The following MIPOL1 variants were observed in gnomAD, a reference collection of about 807,000 sequenced individuals.
MIPOL1 encodes mirror-image polydactyly 1.
Under a neutral mutation model 60.9 loss-of-function variants are expected in MIPOL1, and 57 were observed. The ratio of observed to expected loss-of-function variants is 0.94; its 90% confidence interval spans 0.76 to 1.17. MIPOL1 has a LOEUF of 1.17. Among genes scored for constraint, MIPOL1 ranks in the 50% most tolerant of loss-of-function variants. The probability of loss-of-function intolerance (pLI) is 0.00; values close to 1 mark genes in which losing one functional copy is unlikely to be tolerated. For missense variants in MIPOL1, 551 were observed against 511.6 expected (o/e 1.08, Z -0.74); for synonymous variants, 179 against 168.8 (o/e 1.06, Z -0.47).
chr14:37,427,892 C>T (rs1340405011), intron 11 of MIPOL1, among the ~76,000 whole-genome samples: 1 of 152,036 alleles, frequency 6.6e-6, no homozygotes, highest in Non-Finnish European at 1.5e-5. Context: ...TGAAAAGGTT[C>T]CATTTTATGT....
chr14:37,418,335 A>T (rs1264714386), intron 10 of MIPOL1, among the ~76,000 whole-genome samples: 1 of 152,142 alleles, frequency 6.6e-6, no homozygotes, highest in African/African-American at 2.4e-5. Context: ...GAAACAATGT[A>T]GTTCATTTCT....
At chr14:37,350,468 G>A (rs755622040) in intron 9 of MIPOL1, among the ~76,000 whole-genome samples, 2 of 144,202 alleles carry the variant, frequency 1.4e-5, no homozygotes, top group East Asian at 4.1e-4. Context: ...TTTAATTTTT[G>A]TGGGTACATA....
At chr14:37,450,780 CAT>C (rs2153574464) in intron 11 of MIPOL1, among the ~76,000 whole-genome samples, 1 of 152,170 alleles carries the variant, frequency 6.6e-6, no homozygotes, top group South Asian at 2.1e-4. Context: ...ATTTCTGAAA[CAT>C]AGACTTAGAA....
intron 10 of MIPOL1, among the ~76,000 whole-genome samples, chr14:37,372,292 C>T (rs920397409): frequency 1.4e-4 from 21 of 151,996 alleles, no homozygotes; most frequent in Admixed American, 4.6e-4. Flanking sequence ...TCAGTTATCA[C>T]GTAAGGAAAT....
At chr14:37,363,944 C>A (rs1039160703) in intron 9 of MIPOL1, among the ~76,000 whole-genome samples, 2 of 152,184 alleles carry the variant, frequency 1.3e-5, no homozygotes, top group African/African-American at 4.8e-5. Flanking sequence ...CCGAGCCAGG[C>A]GTGGGAGAAA....
intron 3 of MIPOL1, among the ~76,000 whole-genome samples, chr14:37,254,957 A>C (rs1337013665): frequency 1.3e-5 from 2 of 151,760 alleles, no homozygotes; most frequent in East Asian, 3.9e-4. Flanking sequence ...AATTCTTTCA[A>C]ATTTATTTGT....
intron 10 of MIPOL1, among the ~76,000 whole-genome samples, chr14:37,376,097 C>T (rs917828189): frequency 6.6e-6 from 1 of 152,086 alleles, no homozygotes; most frequent in East Asian, 1.9e-4. Flanking sequence ...CATATATTCA[C>T]TGGTCCCACA....
rs180689899 is a variant in MIPOL1 at position 37,459,841 on chromosome 14, G to A, written c.1031+36892G>A. On this transcript the variant is annotated intron_variant, in intron 11 of 12. Coordinates refer to ENST00000684589, the MANE Select transcript of MIPOL1 (RefSeq NM_001388067.1). ...TATAATCCCAGCACTTTAGGAGGCC[G>A]GGGTGGGCAGATAAGTTGAGGTCAG... Among the ~76,000 whole-genome samples the A allele has an allele frequency of 4.3e-3, 655 of 152,196 alleles. 3 individuals are homozygous for A. The highest frequency in any genetic ancestry group is 6.6e-3 in the Non-Finnish European group (452 of 68,010).
intron 11 of MIPOL1, among the ~76,000 whole-genome samples, chr14:37,493,167 G>A (rs2095069525): frequency 6.6e-6 from 1 of 152,074 alleles, no homozygotes; most frequent in East Asian, 1.9e-4. Flanking sequence ...AGACAAGAGA[G>A]GAAGTCAGGA....
At chr14:37,358,142 A>G (rs968781204) in intron 9 of MIPOL1, among the ~76,000 whole-genome samples, 2 of 152,144 alleles carry the variant, frequency 1.3e-5, no homozygotes, top group African/African-American at 4.8e-5. Context: ...TTCCAGCTTC[A>G]TCCATGTCTC....
intron 7 of MIPOL1, among the ~76,000 whole-genome samples, chr14:37,302,463 TGTTGTTTAAAAGA>T (rs2086382854): frequency 6.6e-6 from 1 of 151,674 alleles, no homozygotes; most frequent in Admixed American, 6.6e-5. Flanking sequence ...ATTTTTTCCT[TGTTGTTTAAAAGA>T]GTTGTTTATA....
intron 3 of MIPOL1, among the ~76,000 whole-genome samples, chr14:37,254,860 T>A (rs138076255): frequency 3.9e-4 from 60 of 151,912 alleles, no homozygotes; most frequent in African/African-American, 1.2e-3. Context: ...CTCCCCCGTT[T>A]CTATTCTGTT....
chr14:37,356,493 C>A (rs1319292544), intron 9 of MIPOL1, among the ~76,000 whole-genome samples: 1 of 152,136 alleles, frequency 6.6e-6, no homozygotes, highest in African/African-American at 2.4e-5. Flanking sequence ...ATGGCGGGCG[C>A]CCCTCCCCCA....
intron 11 of MIPOL1, among the ~76,000 whole-genome samples, chr14:37,444,294 G>A (rs984432569): frequency 2.6e-5 from 4 of 152,032 alleles, no homozygotes; most frequent in African/African-American, 9.7e-5. Context: ...CTTTTTAAAG[G>A]TTGCATACAA....
chr14:37,466,027 A>G (rs1224119270), intron 11 of MIPOL1, among the ~76,000 whole-genome samples: 1 of 152,206 alleles, frequency 6.6e-6, no homozygotes, highest in East Asian at 1.9e-4. Context: ...TAATTTAAAA[A>G]GTCAATAGGC....
chr14:37,302,259 G>GTTTTTTTTTTTTTTTTTT (rs1244984056), intron 7 of MIPOL1, among the ~76,000 whole-genome samples: 2 of 58,590 alleles, frequency 3.4e-5, no homozygotes, highest in African/African-American at 7.1e-5. Flanking sequence ...ATTTGGAACT[G>GTTTTTTTTTTTTTTTTTT]TTGTTTTTTT....
intron 12 of MIPOL1, among the ~76,000 whole-genome samples, chr14:37,522,588 A>G (rs2095421398): frequency 6.6e-6 from 1 of 152,176 alleles, no homozygotes; most frequent in South Asian, 2.1e-4. Context: ...ATACTCTGTA[A>G]CCAATAAATC....
At chr14:37,536,647 G>A (rs1257634830) in intron 12 of MIPOL1, among the ~76,000 whole-genome samples, 1 of 152,078 alleles carries the variant, frequency 6.6e-6, no homozygotes, top group Non-Finnish European at 1.5e-5. Flanking sequence ...GCTCTCTCTA[G>A]AATTCTCTAT....
At position 37,508,364 on chromosome 14, in the gene MIPOL1, T is replaced by C. The variant is rs1041055512; in HGVS notation, c.1262+8226T>C. ...ATTTTTCAATTCCCATTTACTCCTC[T>C]GCTACTCAGTACAGTATGGCTAGTT... is the stretch of plus-strand genomic sequence containing the variant. On this transcript the variant is annotated intron_variant, in intron 12 of 12. Coordinates refer to ENST00000684589, the MANE Select transcript of MIPOL1 (RefSeq NM_001388067.1). 6.6e-5 allele frequency among the ~76,000 whole-genome samples: 10 copies of C among 152,276 alleles called. 1 individual carries two copies. Among genetic ancestry groups the C allele is most frequent in the African/African-American group, 2.2e-4 (9 of 41,584 alleles).
Sources: allele counts gnomAD v4.1 joint callset (sites outside exome capture counted in the v4.1 genomes callset), GRCh38; gene constraint gnomAD v4.1.1; transcripts MANE v1.5; gene names NCBI Gene and HGNC (gene_info 2026-07-23, HGNC 2026-07-21).